The following FMN2 variants were observed in gnomAD, a reference collection of about 807,000 sequenced individuals.
FMN2 encodes the protein formin-2.
A neutral mutation model predicts 142.3 loss-of-function variants in FMN2; 51 were observed. That is an observed-to-expected ratio of 0.36 (90% CI 0.29 to 0.45). The LOEUF (loss-of-function observed/expected upper bound fraction) is 0.45. Ranked by LOEUF, FMN2 falls within the 20% of genes least tolerant of loss-of-function variation. FMN2 has a pLI of 1.00. For missense variants in FMN2, 1,936 were observed against 2,122.8 expected, an observed-to-expected ratio of 0.91 and a Z score of 1.73; for synonymous variants, 882 against 869.8, an observed-to-expected ratio of 1.01 and a Z score of -0.25.
intron 4 of FMN2, among the ~76,000 whole-genome samples, chr1:240,204,202 T>A (rs2103378665): frequency 6.6e-6 from 1 of 152,280 alleles, no homozygotes; most frequent in Admixed American, 6.5e-5. Flanking sequence ...AAATTACTGG[T>A]TGTCTTCAGC....
At chr1:240,336,662 A>G (rs1671572471) in intron 13 of FMN2, among the ~76,000 whole-genome samples, 1 of 151,850 alleles carries the variant, frequency 6.6e-6, no homozygotes, top group East Asian at 1.9e-4. Flanking sequence ...TCACTGAAAC[A>G]TATTTTGAGA....
chr1:240,165,857 T>C (rs1480023251), intron 2 of FMN2, among the ~76,000 whole-genome samples: 2 of 152,058 alleles, frequency 1.3e-5, no homozygotes, highest in Non-Finnish European at 2.9e-5. Flanking sequence ...AATTTTAGAT[T>C]CTAACCCCAA....
chr1:240,290,780 GTTTTTT>G (rs869026471), intron 7 of FMN2, among the ~76,000 whole-genome samples: 8 of 100,184 alleles, frequency 8.0e-5, no homozygotes, highest in East Asian at 2.9e-4. Flanking sequence ...TGTTTGTTTG[GTTTTTT>G]TTTTTTGTTT....
At chr1:240,176,549 T>C (rs150089806) in intron 2 of FMN2, among the ~76,000 whole-genome samples, 5 of 152,340 alleles carry the variant, frequency 3.3e-5, no homozygotes, top group African/African-American at 1.2e-4. Flanking sequence ...TGCCTGAGTT[T>C]TATCCTTTTT....
At chr1:240,257,907 A>G (rs768104812) in intron 6 of FMN2, 38 bp from the exon 7 acceptor site, 20 of 1,570,118 alleles carry the variant, frequency 1.3e-5, no homozygotes, top group Non-Finnish European at 1.7e-5. Flanking sequence ...TTGGAGTTCA[A>G]ATTAACATTT....
intron 15 of FMN2, among the ~76,000 whole-genome samples, chr1:240,411,864 A>G (rs1391147229): frequency 6.6e-6 from 1 of 152,122 alleles, no homozygotes; most frequent in Non-Finnish European, 1.5e-5. Context: ...GAAGTTTGAG[A>G]TGGGTAATAA....
intron 13 of FMN2, among the ~76,000 whole-genome samples, chr1:240,355,157 C>T (rs547845109): frequency 4.0e-5 from 6 of 151,716 alleles, no homozygotes; most frequent in Non-Finnish European, 7.4e-5. Context: ...CAAATTAGTG[C>T]CTTATTTGAG....
At chr1:240,168,209 G>T (rs757180371) in intron 2 of FMN2, among the ~76,000 whole-genome samples, 4 of 152,072 alleles carry the variant, frequency 2.6e-5, no homozygotes, top group African/African-American at 7.2e-5. Flanking sequence ...CAGATATTGT[G>T]AGTTCAATTC....
chr1:240,331,032 A>G (rs1671357896), intron 11 of FMN2, among the ~76,000 whole-genome samples: 1 of 152,194 alleles, frequency 6.6e-6, no homozygotes, highest in African/African-American at 2.4e-5. Flanking sequence ...ATATAAAACA[A>G]TAATTTCTTT....
In FMN2 at chr1:240,255,895, C is replaced by T. The variant is rs192424213; in HGVS notation, c.4066-2050C>T. 1.5e-3 allele frequency among the ~76,000 whole-genome samples: 228 copies of T among 151,908 alleles called. 2 individuals are homozygous for T. The highest frequency in any genetic ancestry group is 6.8e-3 in the Middle Eastern group (2 of 294). On this transcript the variant is annotated intron_variant, in intron 6 of 17. Transcript: ENST00000319653. ...AATGTGATGAGAATAGGTTATAATGCGACGAAAATAAGATATAGAGAACAG... is the reference window on the plus strand; with the variant it reads ...AATGTGATGAGAATAGGTTATAATGTGACGAAAATAAGATATAGAGAACAG...
chr1:240,107,991 A>C (rs1454354871), intron 1 of FMN2, among the ~76,000 whole-genome samples: 2 of 152,140 alleles, frequency 1.3e-5, no homozygotes, highest in African/African-American at 4.8e-5. Flanking sequence ...ACTTCTTCAA[A>C]ACAATTATGA....
At chr1:240,284,160 C>T (rs1038125855) in intron 7 of FMN2, among the ~76,000 whole-genome samples, 4 of 152,146 alleles carry the variant, frequency 2.6e-5, no homozygotes, top group African/African-American at 9.7e-5. Flanking sequence ...TCTATCTACT[C>T]AGATATTCTT....
chr1:240,102,455 C>A (rs188516582), intron 1 of FMN2, among the ~76,000 whole-genome samples: 1 of 152,056 alleles, frequency 6.6e-6, no homozygotes, highest in Non-Finnish European at 1.5e-5. Flanking sequence ...ATTTTTTAAC[C>A]TATATACTTG....
At chr1:240,171,758 T>G (rs1664710788) in intron 2 of FMN2, among the ~76,000 whole-genome samples, 1 of 152,212 alleles carries the variant, frequency 6.6e-6, no homozygotes, top group African/African-American at 2.4e-5. Context: ...GTGTTGTTAT[T>G]TATAACCTAG....
chr1:240,108,760 G>C lies in FMN2; in HGVS notation c.1616-14419G>C, dbSNP rs571564348. On this transcript the variant is annotated intron_variant, in intron 1 of 17. Coordinates refer to ENST00000319653, the MANE Select transcript of FMN2 (RefSeq NM_020066.5). The stretch of plus-strand genomic sequence containing the variant: ...TTAAAAAATGCACAGAAGGGGCCTG[G>C]TGCAGTGACTTACACCTGTAATCCC... Among the ~76,000 whole-genome samples the C allele has an allele frequency of 3.3e-5, 5 of 152,288 alleles. No homozygotes were observed. In the South Asian group the frequency reaches 1.0e-3, roughly 32 times the overall value.
intron 6 of FMN2, among the ~76,000 whole-genome samples, chr1:240,253,979 A>T (rs1007145863): frequency 6.6e-6 from 1 of 152,122 alleles, no homozygotes; most frequent in African/African-American, 2.4e-5. Flanking sequence ...AATCACTGGC[A>T]GGTGCTTGAG....
chr1:240,145,239 A>G, intron 2 of FMN2: 1 of 1,479,538 alleles, frequency 6.8e-7, no homozygotes, highest in Non-Finnish European at 9.4e-7. Context: ...TCTTCCTCAG[A>G]CAGCTCCTGT....
At chr1:240,356,307 T>C (rs2103047349) in intron 14 of FMN2, among the ~76,000 whole-genome samples, 1 of 152,328 alleles carries the variant, frequency 6.6e-6, no homozygotes. Context: ...ATTTGGCTTG[T>C]CAAAACATTG....
chr1:240,113,657 T>C (rs1426233924), intron 1 of FMN2, among the ~76,000 whole-genome samples: 1 of 151,900 alleles, frequency 6.6e-6, no homozygotes, highest in Non-Finnish European at 1.5e-5. Context: ...ATTTAGTAGG[T>C]GAGTGTCTCC....
Sources: allele counts gnomAD v4.1 joint callset (sites outside exome capture counted in the v4.1 genomes callset), GRCh38; gene constraint gnomAD v4.1.1; transcripts MANE v1.5; gene names NCBI Gene and HGNC (gene_info 2026-07-23, HGNC 2026-07-21).